PRKDC: variants seen among roughly 807,000 people sequenced by gnomAD.
The protein encoded by PRKDC is DNA-dependent protein kinase catalytic subunit.
In PRKDC, 82 loss-of-function variants were observed where a neutral mutation model predicts 486.9. The ratio of observed to expected loss-of-function variants is 0.17; its 90% CI spans 0.14 to 0.20. The LOEUF (loss-of-function observed/expected upper bound fraction) is 0.20, where lower values mean the gene tolerates loss of function less well. PRKDC is among the 10% of genes least tolerant of loss of function. PRKDC has a pLI of 1.00. For missense variants in PRKDC, 4,504 were observed against 5,038.2 expected, an observed-to-expected ratio of 0.89 and a Z score of 3.21; for synonymous variants, 1,895 against 1,837.0, an observed-to-expected ratio of 1.03 and a Z score of -0.81.
At chr8:47,929,674 C>T (rs8178041) in intron 18 of PRKDC, among the ~76,000 whole-genome samples, 179 bp downstream of exon 18, 1,575 of 152,308 alleles carry the variant, frequency 0.01, 29 homozygotes, top group African/African-American at 0.037. Context: ...GCAAAAAATG[C>T]TGCTAGCTTT....
intron 47 of PRKDC, 48 bp downstream of exon 47, chr8:47,858,801 G>T: frequency 6.4e-7 from 1 of 1,573,028 alleles, no homozygotes; most frequent in South Asian, 1.2e-5. Flanking sequence ...TTCTCAGTAT[G>T]ACACCAATGA....
Position 47,807,187 on chromosome 8 carries a change from T to G in PRKDC, c.9697A>C (p.Ser3233Arg), listed in dbSNP as rs775469156. The change falls in exon 69 of 86, where the codon AGT (serine) becomes CGT (arginine). Residue 3233 changes from serine to arginine, a missense_variant. By Grantham distance (110) the Ser-to-Arg change is moderately radical. This residue lies in a region of PRKDC where 1,592 missense variants were observed against 1,724.6 expected (regional missense o/e 0.92). Coordinates refer to ENST00000314191, the MANE Select transcript of PRKDC (RefSeq NM_006904.7). ...QEEDISSLIR[S>R]CKFSMKMKMI... ...TTCATTTTCATGGAAAACTTGCAAC[T>G]CCTGATCAGGGAGCTGATATCTTCT... 1.1e-5 allele frequency: 18 copies of G among 1,613,826 alleles called. No homozygotes were observed. The highest frequency in any genetic ancestry group is 1.5e-5 in the Non-Finnish European group (18 of 1,179,870).
In PRKDC at chr8:47,780,154, A is replaced by T. The variant is rs547963915; in HGVS notation, c.11490-1061T>A. ...GGTCTCGAATTCCTGACCTCAGGCG[A>T]TCCGCCCACCTTGGCCTCCCAAAGT... is the stretch of plus-strand genomic sequence containing the variant. On this transcript the variant is annotated intron_variant, in intron 80 of 85. Transcript: ENST00000314191. Among the ~76,000 whole-genome samples the T allele has an allele frequency of 7.9e-5, 12 of 152,040 alleles. 1 individual carries two copies. In the South Asian group the frequency reaches 2.5e-3, roughly 32 times the overall value.
chr8:47,792,548 G>A (rs1206952886), intron 74 of PRKDC, among the ~76,000 whole-genome samples: 2 of 152,042 alleles, frequency 1.3e-5, no homozygotes, highest in East Asian at 3.9e-4. Flanking sequence ...GTGAGCCACC[G>A]CACCCGGCCT....
intron 42 of PRKDC, 35 bp from the exon 43 acceptor site, chr8:47,862,576 C>T (rs1276830779): frequency 1.9e-6 from 3 of 1,550,984 alleles, no homozygotes; most frequent in Admixed American, 3.9e-5. Flanking sequence ...TCAATTCACA[C>T]AACATGGCAA....
intron 41 of PRKDC, among the ~76,000 whole-genome samples, chr8:47,864,293 C>T (rs1220662237): frequency 6.6e-6 from 1 of 152,156 alleles, no homozygotes; most frequent in African/African-American, 2.4e-5. Context: ...CCAGAGTGAG[C>T]GTGGCCCTGA....
intron 16 of PRKDC, 65 bp from the exon 17 acceptor site, chr8:47,930,852 T>C: frequency 6.9e-7 from 1 of 1,444,352 alleles, no homozygotes; most frequent in Non-Finnish European, 9.3e-7. Context: ...AACAAATAAC[T>C]TTCCAACTGA....
At chr8:47,901,319 C>CA (rs1334720248) in intron 27 of PRKDC, among the ~76,000 whole-genome samples, 1 of 151,854 alleles carries the variant, frequency 6.6e-6, no homozygotes, top group African/African-American at 2.4e-5. Flanking sequence ...ACTAAAAACA[C>CA]AAAAATTAGC....
rs1286930654 is a variant in PRKDC, at chr8:47,960,057, G to A, written c.70C>T (p.Arg24Cys). 1.3e-6 allele frequency: 2 copies of A among 1,532,420 alleles called. No homozygotes were observed. The highest frequency in any genetic ancestry group is 2.0e-5 in the Admixed American group (1 of 50,944). 94.9% of individuals were successfully genotyped at this position (1,532,420 alleles called of 1,614,324 possible). A position where few individuals can be genotyped will look rare whatever the true frequency, so the allele number is the denominator to read the frequency against. The change falls in exon 1 of 86, where the codon CGC becomes TGC. Residue 24 changes from arginine (R) to cysteine (C), a missense_variant. Coordinates refer to ENST00000314191, the MANE Select transcript of PRKDC (RefSeq NM_006904.7). ...RLQETLSAAD[R>C]CGAALAGHQL... ...TGACCGGCCAGGGCAGCACCGCAGC[G>A]GTCCGCAGCGGACAAGGTCTCCTGC...
intron 69 of PRKDC, among the ~76,000 whole-genome samples, chr8:47,805,980 A>T (rs2087208241): frequency 6.6e-6 from 1 of 152,110 alleles, no homozygotes; most frequent in Admixed American, 6.6e-5. Context: ...GCATGCATGG[A>T]ACCTTCAATG....
intron 49 of PRKDC, among the ~76,000 whole-genome samples, chr8:47,855,594 G>A (rs542538023): frequency 7.2e-5 from 11 of 152,228 alleles, no homozygotes; most frequent in Non-Finnish European, 1.3e-4. Flanking sequence ...CCAGGGTGCA[G>A]GCTGCTAGCC....
chr8:47,856,421 G>T lies in PRKDC; in HGVS notation c.6609+735C>A, dbSNP rs559459442. Among the ~76,000 whole-genome samples the T allele has an allele frequency of 3.9e-5, 6 of 152,220 alleles. No homozygotes were observed. The South Asian group carries it at 1.2e-3, about 32-fold the overall frequency. Reference sequence around the variant, plus strand: ...TTTTGCATTTTTTTAGTACAGATAAGGTTTCACCATGTTGGCCAGGCTGGT... The same window carrying T: ...TTTTGCATTTTTTTAGTACAGATAATGTTTCACCATGTTGGCCAGGCTGGT... On this transcript the variant is annotated intron_variant, in intron 49 of 85. Transcript: ENST00000314191.
In PRKDC at chr8:47,782,614, T is replaced by A. The variant is rs78231671; in HGVS notation, c.11176-16A>T. 3 of 1,551,062 alleles carry A rather than the reference T, an allele frequency of 1.9e-6. No individual in the cohort carries two copies. Among genetic ancestry groups the A allele is most frequent in the Non-Finnish European group, 2.6e-6 (3 of 1,147,606 alleles). ...TGACTGTCACCTTCAAAAATCAGAA[T>A]GTCATCTCAGGGCACAGGCTAGCCA... On this transcript the variant is annotated splice_polypyrimidine_tract_variant and intron_variant, in intron 78 of 85. Transcript: ENST00000314191. The surrounding 1 kb of genome is among the most constrained non-coding windows in gnomAD (Gnocchi z 4.9).
chr8:47,823,233 G>A (rs1383846184), intron 64 of PRKDC, among the ~76,000 whole-genome samples: 2 of 151,884 alleles, frequency 1.3e-5, no homozygotes, highest in Non-Finnish European at 2.9e-5. Context: ...CTACTCAGGT[G>A]GCTGAGGTGG....
At chr8:47,934,237 G>T (rs1264585494) in intron 14 of PRKDC, 147 bp from the exon 15 acceptor site, 55 of 1,047,676 alleles carry the variant, frequency 5.2e-5, no homozygotes, top group Non-Finnish European at 7.2e-5. Flanking sequence ...TATTAAAAAA[G>T]CATAATTTAA....
At chr8:47,848,862 T>C (rs903464230) in intron 54 of PRKDC, among the ~76,000 whole-genome samples, 5 of 152,182 alleles carry the variant, frequency 3.3e-5, no homozygotes, top group South Asian at 2.1e-4. Context: ...AAAGCATACA[T>C]TTTAAATCTG....
chr8:47,876,902 C>A (rs760387313), intron 40 of PRKDC, among the ~76,000 whole-genome samples: 5 of 152,106 alleles, frequency 3.3e-5, no homozygotes, highest in Non-Finnish European at 7.4e-5. Context: ...GAGGAAAATA[C>A]AATCATGCAC....
chr8:47,855,335 A>G lies in PRKDC; in HGVS notation c.6648T>C (p.Leu2216=). The G allele has an allele frequency of 6.3e-7, 1 of 1,599,944 alleles. No individual in the cohort carries two copies. Among genetic ancestry groups the G allele is most frequent in the Admixed American group, 1.7e-5 (1 of 58,102 alleles). The change falls in exon 50 of 86, where the codon CTT becomes CTC. Residue 2216 remains leucine (L), a synonymous_variant. Transcript: ENST00000314191. ...PKDEVLANRL[L]NFLMKHVFHP... Reference sequence around the variant, plus strand: ...GAAAGACATGTTTCATTAGGAAATTAAGCAATCGATTTGCTAACACTTCAT... The same window carrying G: ...GAAAGACATGTTTCATTAGGAAATTGAGCAATCGATTTGCTAACACTTCAT...
intron 48 of PRKDC, 78 bp downstream of exon 48, chr8:47,858,438 C>A: frequency 3.1e-6 from 4 of 1,271,706 alleles, no homozygotes; most frequent in Non-Finnish European, 3.2e-6. Flanking sequence ...CATAGAATTG[C>A]AATTGATTCA....
Sources: allele counts gnomAD v4.1 joint callset (sites outside exome capture counted in the v4.1 genomes callset), GRCh38; gene constraint gnomAD v4.1.1; regional missense constraint gnomAD v4.1.1; non-coding constraint Gnocchi (gnomAD v3.1); transcripts MANE v1.5; gene names NCBI Gene and HGNC (gene_info 2026-07-23, HGNC 2026-07-21).